The following FAHD2A variants were observed in gnomAD, a reference collection of about 807,000 sequenced individuals.
FAHD2A encodes fumarylacetoacetate hydrolase domain containing 2A, also known as oxaloacetate tautomerase FAHD2A, mitochondrial.
In FAHD2A, 27 loss-of-function variants were observed where a neutral mutation model predicts 33.4. The ratio of observed to expected loss-of-function variants is 0.81; its 90% CI spans 0.60 to 1.11. The LOEUF (loss-of-function observed/expected upper bound fraction) is 1.11. FAHD2A is among the 50% of genes most tolerant of loss of function. The pLI is 0.00. For missense variants in FAHD2A, 296 were observed against 395.0 expected, an observed-to-expected ratio of 0.75 and a Z score of 2.12; for synonymous variants, 130 against 153.3, an observed-to-expected ratio of 0.85 and a Z score of 1.12.
Position 95,405,648 on chromosome 2 carries a change from G to A in FAHD2A, c.90G>A (p.Val30=). 2 of 1,614,124 alleles carry A rather than the reference G, an allele frequency of 1.2e-6. No individual in the cohort carries two copies. The highest frequency in any genetic ancestry group is 8.5e-7 in the Non-Finnish European group (1 of 1,180,036). ...PFQPSRDMRL[V]QFRAPHLVGP... is the part of the protein sequence containing the mutation. ...AACCCTCCAGAGACATGAGACTAGTGCAGTTCCGGGCACCCCACCTGGTGG... is the reference window on the plus strand; with the variant it reads ...AACCCTCCAGAGACATGAGACTAGTACAGTTCCGGGCACCCCACCTGGTGG... Residue 30 remains valine (V), a synonymous_variant, in exon 2 of 8, where the codon GTG becomes GTA. Coordinates refer to ENST00000233379, the MANE Select transcript of FAHD2A (RefSeq NM_016044.3).
downstream of FAHD2A, among the ~76,000 whole-genome samples, chr2:95,420,780 G>T (rs553013345): frequency 5.3e-4 from 81 of 151,832 alleles, no homozygotes; most frequent in Non-Finnish European, 1.0e-3. Flanking sequence ...GAAGGAATGG[G>T]GAACATGGCT....
intron 6 of FAHD2A, 22 bp from the exon 7 acceptor site, chr2:95,412,654 CG>C: frequency 6.2e-7 from 1 of 1,613,898 alleles, no homozygotes; most frequent in South Asian, 1.1e-5. Flanking sequence ...CTGGTCTCAC[CG>C]GGTCCTTCTG....
In FAHD2A at chr2:95,405,602, A is replaced by G. The variant is rs377571268; in HGVS notation, c.44A>G (p.Gln15Arg). 192 of 1,613,854 alleles carry G rather than the reference A, an allele frequency of 1.2e-4. No individual in the cohort carries two copies. The highest frequency in any genetic ancestry group is 2.9e-4 in the East Asian group (13 of 44,876). ...AGAAGGTTACTCACAGTTCTGCTGC[A>G]GGCTCAGAAGTGGCCCTTTCAACCC... ...GRRRLLTVLL[Q>R]AQKWPFQPSR... The change falls in exon 2 of 8, where the codon CAG becomes CGG. Residue 15 changes from glutamine to arginine, a missense_variant. Gln to Arg is a conservative substitution (Grantham distance 43). Coordinates refer to ENST00000233379, the MANE Select transcript of FAHD2A (RefSeq NM_016044.3).
chr2:95,408,700 A>G lies in FAHD2A; in HGVS notation c.462+1543A>G, dbSNP rs557805097. Among the ~76,000 whole-genome samples the G allele has an allele frequency of 2.0e-5, 3 of 152,368 alleles. No homozygotes were observed. In the South Asian group the frequency reaches 6.2e-4, roughly 32 times the overall value. On this transcript the variant is annotated intron_variant, in intron 3 of 7. Coordinates refer to ENST00000233379, the MANE Select transcript of FAHD2A (RefSeq NM_016044.3). ...AGTCATCTCCCACCGGGTCCGTCCCATAGCACGTTAGAATTATGGGAGCTA... is the reference window on the plus strand; with the variant it reads ...AGTCATCTCCCACCGGGTCCGTCCCGTAGCACGTTAGAATTATGGGAGCTA...
At chr2:95,409,436 G>A (rs1007070448) in intron 3 of FAHD2A, among the ~76,000 whole-genome samples, 13 of 152,084 alleles carry the variant, frequency 8.5e-5, no homozygotes, top group Admixed American at 6.5e-5. Context: ...AGCCTCCTGA[G>A]TAGCTGGGAT....
rs1304321011 is a variant in FAHD2A, at chr2:95,415,309, T to G, written c.*2352T>G. 1 of 151,596 alleles carries G rather than the reference T, an allele frequency of 6.6e-6. No homozygotes were observed. The highest frequency in any genetic ancestry group is 1.5e-5 in the Non-Finnish European group (1 of 68,002). 9.4% of individuals were successfully genotyped at this position (151,596 alleles called of 1,614,324 possible). A position where few individuals can be genotyped will look rare whatever the true frequency, so the allele number is the denominator to read the frequency against. On this transcript the variant is annotated 3_prime_UTR_variant, in exon 8 of 8. Coordinates refer to ENST00000233379, the MANE Select transcript of FAHD2A (RefSeq NM_016044.3). ...GCCACTGCCCCAGACCCACCTTGGC[T>G]CTCTCCTCACTAACACCCGAGAAGC...
chr2:95,419,592 C>G (rs1319774025), downstream of FAHD2A, among the ~76,000 whole-genome samples: 1 of 151,936 alleles, frequency 6.6e-6, no homozygotes, highest in Non-Finnish European at 1.5e-5. Context: ...GGTGCAAGTT[C>G]AGGACAATGA....
At chr2:95,406,033 CA>C (rs1362628441) in intron 2 of FAHD2A, among the ~76,000 whole-genome samples, 21 of 151,548 alleles carry the variant, frequency 1.4e-4, no homozygotes, top group Non-Finnish European at 2.9e-4. Context: ...ATTTGAAGGC[CA>C]TACATGTGGT....
At chr2:95,411,955 T>A (rs974808797) in intron 5 of FAHD2A, among the ~76,000 whole-genome samples, 2 of 152,084 alleles carry the variant, frequency 1.3e-5, no homozygotes, top group African/African-American at 4.8e-5. Context: ...CTGACTAATG[T>A]TTTTATTATT....
chr2:95,418,252 G>A (rs1683263004), downstream of FAHD2A, among the ~76,000 whole-genome samples: 1 of 148,822 alleles, frequency 6.7e-6, no homozygotes, highest in Admixed American at 6.7e-5. Context: ...GGGGGTGGTT[G>A]TGTGTGTGTG....
intron 3 of FAHD2A, among the ~76,000 whole-genome samples, chr2:95,408,035 ATTTTTTTTTTTTTTT>A (rs11377714): frequency 1.1e-5 from 1 of 94,694 alleles, no homozygotes; most frequent in Non-Finnish European, 2.0e-5. Flanking sequence ...GCAAACACAC[ATTTTTTTTTTTTTTT>A]TTTTTTTTTG....
At chr2:95,408,428 A>T (rs1573562084) in intron 3 of FAHD2A, among the ~76,000 whole-genome samples, 2 of 152,172 alleles carry the variant, frequency 1.3e-5, no homozygotes, top group Non-Finnish European at 2.9e-5. Flanking sequence ...CATGCTGCTG[A>T]TAAAGACATA....
rs564169371 is a variant in FAHD2A at position 95,414,789 on chromosome 2, C to A, written c.*1832C>A. ...CTGATCTCTTTGCCATCTCTCCCTG[C>A]CCCACTCCGATGGCTCCTCCTGCCT... On this transcript the variant is annotated 3_prime_UTR_variant, in exon 8 of 8. Coordinates refer to ENST00000233379, the MANE Select transcript of FAHD2A (RefSeq NM_016044.3). 6.5e-6 allele frequency: 1 copy of A among 154,190 alleles called. No individual in the cohort carries two copies. Among genetic ancestry groups the A allele is most frequent in the East Asian group, 1.9e-4 (1 of 5,192 alleles). 9.6% of individuals were successfully genotyped at this position (154,190 alleles called of 1,614,324 possible).
In FAHD2A at chr2:95,412,688, T is replaced by A. The variant is rs1201130624; in HGVS notation, c.806T>A (p.Phe269Tyr). 6.2e-7 allele frequency: 1 copy of A among 1,614,112 alleles called. No homozygotes were observed. Among genetic ancestry groups the A allele is most frequent in the Non-Finnish European group, 8.5e-7 (1 of 1,179,992 alleles). Residue 269 changes from phenylalanine (F) to tyrosine (Y), a missense_variant, in exon 7 of 8, where the codon TTT (phenylalanine) becomes TAT (tyrosine). Physicochemically the swap from Phe to Tyr is conservative, Grantham distance 22. Transcript: ENST00000233379. The stretch of plus-strand genomic sequence containing the variant: ...CTGCTTTGATCCAGGTTTGTTACCT[T>A]TTACCCAGGGGATGTCATCCTAACT... ...LIAWVSQFVT[F>Y]YPGDVILTGT...
chr2:95,417,681 G>A (rs554619594), downstream of FAHD2A, among the ~76,000 whole-genome samples: 1 of 152,198 alleles, frequency 6.6e-6, no homozygotes, highest in African/African-American at 2.4e-5. Flanking sequence ...ACCATGGTCA[G>A]GAGCATGATG....
chr2:95,417,970 A>T (rs946166159), downstream of FAHD2A, among the ~76,000 whole-genome samples: 5 of 152,104 alleles, frequency 3.3e-5, no homozygotes, highest in African/African-American at 1.2e-4. Context: ...AGTTGTCTGC[A>T]TATGTATGCT....
Position 95,413,113 on chromosome 2 carries a change from T to C in FAHD2A, c.*156T>C, listed in dbSNP as rs1682804811. 1 of 1,236,268 alleles carries C rather than the reference T, an allele frequency of 8.1e-7. No individual in the cohort carries two copies. Among genetic ancestry groups the C allele is most frequent in the Admixed American group, 2.5e-5 (1 of 40,710 alleles). 76.6% of individuals were successfully genotyped at this position (1,236,268 alleles called of 1,614,324 possible). A position where few individuals can be genotyped will look rare whatever the true frequency, so the allele number is the denominator to read the frequency against. On this transcript the variant is annotated 3_prime_UTR_variant, in exon 8 of 8. Coordinates refer to ENST00000233379, the MANE Select transcript of FAHD2A (RefSeq NM_016044.3). ...AAGGACAGAGCTCTCTTCAATAAAT[T>C]CGTCAGGTCAAAGCAGCAGCTTTGC...
At chr2:95,406,794 G>T in intron 2 of FAHD2A, 147 bp from the exon 3 acceptor site, 9 of 1,432,494 alleles carry the variant, frequency 6.3e-6, no homozygotes, top group Non-Finnish European at 8.3e-6. Flanking sequence ...AATAGTCAGT[G>T]ATTTTCACAC....
chr2:95,405,601 C>G lies in FAHD2A; in HGVS notation c.43C>G (p.Gln15Glu). The G allele has an allele frequency of 1.2e-6, 2 of 1,613,972 alleles. No homozygotes were observed. Among genetic ancestry groups the G allele is most frequent in the Non-Finnish European group, 1.7e-6 (2 of 1,179,870 alleles). The change falls in exon 2 of 8, where the codon CAG becomes GAG. Residue 15 changes from glutamine (Q) to glutamate (E), a missense_variant. By Grantham distance (29) the Gln-to-Glu change is conservative (BLOSUM62 2). Transcript: ENST00000233379. Reference protein sequence around the residue: ...GRRRLLTVLLQAQKWPFQPSR... With the variant: ...GRRRLLTVLLEAQKWPFQPSR... ...AAGAAGGTTACTCACAGTTCTGCTG[C>G]AGGCTCAGAAGTGGCCCTTTCAACC...
Sources: allele counts gnomAD v4.1 joint callset (sites outside exome capture counted in the v4.1 genomes callset), GRCh38; gene constraint gnomAD v4.1.1; transcripts MANE v1.5; gene names NCBI Gene and HGNC (gene_info 2026-07-23, HGNC 2026-07-21).